The following MARCHF1 variants were observed in gnomAD, a reference collection of about 807,000 sequenced individuals.
The protein encoded by MARCHF1 is E3 ubiquitin-protein ligase MARCHF1.
MARCHF1 carries 40 observed loss-of-function variants against 54.2 expected under a neutral mutation model. That is an observed-to-expected ratio of 0.74 (90% CI 0.57 to 0.96). MARCHF1 has a LOEUF of 0.96. Among genes scored for constraint, MARCHF1 ranks in the 40% least tolerant of loss-of-function variants. The pLI is 0.00. For synonymous variants in MARCHF1, 236 were observed against 236.3 expected (o/e 1.00, Z 0.01); for missense variants, 586 against 656.5 (o/e 0.89, Z 1.17).
intron 4 of MARCHF1, among the ~76,000 whole-genome samples, chr4:163,801,642 C>T (rs999477745): frequency 6.6e-6 from 1 of 151,992 alleles, no homozygotes; most frequent in Admixed American, 6.6e-5. Flanking sequence ...AAATATGCAC[C>T]ATCTTCCCCA....
chr4:164,242,398 C>T (rs974322988), intron 1 of MARCHF1, among the ~76,000 whole-genome samples: 5 of 145,792 alleles, frequency 3.4e-5, no homozygotes, highest in African/African-American at 1.3e-4. Flanking sequence ...GGTATTCCAA[C>T]AGACCTGCAG....
At chr4:163,991,403 T>C (rs1409040671) in intron 2 of MARCHF1, among the ~76,000 whole-genome samples, 2 of 152,190 alleles carry the variant, frequency 1.3e-5, no homozygotes, top group African/African-American at 2.4e-5. Flanking sequence ...TATCAATGTC[T>C]TGCACTTACC....
At chr4:163,960,223 C>T (rs1387735075) in intron 3 of MARCHF1, among the ~76,000 whole-genome samples, 1 of 151,992 alleles carries the variant, frequency 6.6e-6, no homozygotes, top group Non-Finnish European at 1.5e-5. Flanking sequence ...TAAATTATTT[C>T]AACCGTTGTG....
chr4:163,875,537 C>T lies in MARCHF1; in HGVS notation c.-38-21368G>A, dbSNP rs150716194. 4.1e-3 allele frequency among the ~76,000 whole-genome samples: 621 copies of T among 152,216 alleles called. 6 individuals are homozygous for T. The highest frequency in any genetic ancestry group is 0.013 in the African/African-American group (528 of 41,546). On this transcript the variant is annotated intron_variant, in intron 3 of 9. Coordinates refer to ENST00000514618, the MANE Select transcript of MARCHF1 (RefSeq NM_001394959.1). ...AACAACTCACAAATTCCACAACTTG[C>T]CCTATCTTGCTCGGTGACAGAATGG... is the stretch of plus-strand genomic sequence containing the variant.
Position 164,143,449 on chromosome 4 carries a change from G to A in MARCHF1, c.-322-31787C>T, listed in dbSNP as rs571682646. ...AAGGTCGGGTTACCCTCAAAGGGAA[G>A]CCCATCAGACTAACAGCAGATCTCT... On this transcript the variant is annotated intron_variant, in intron 1 of 9. Coordinates refer to ENST00000514618, the MANE Select transcript of MARCHF1 (RefSeq NM_001394959.1). Among the ~76,000 whole-genome samples the A allele has an allele frequency of 6.0e-5, 9 of 150,850 alleles. No individual in the cohort carries two copies. The East Asian group carries it at 7.8e-4, about 13-fold the overall frequency.
intron 4 of MARCHF1, among the ~76,000 whole-genome samples, chr4:163,765,216 TTAA>T (rs1334863108): frequency 6.6e-6 from 1 of 152,090 alleles, no homozygotes; most frequent in Non-Finnish European, 1.5e-5. Flanking sequence ...AGAGAAAATG[TTAA>T]TAATGAAGAT....
At chr4:164,189,120 T>C (rs557895390) in intron 1 of MARCHF1, 41 of 652,060 alleles carry the variant, frequency 6.3e-5, no homozygotes, top group African/African-American at 6.3e-4. Flanking sequence ...TGGCCACTAA[T>C]GGAGATACTC....
intron 1 of MARCHF1, among the ~76,000 whole-genome samples, chr4:164,125,136 C>T (rs921510488): frequency 6.6e-6 from 1 of 151,988 alleles, no homozygotes; most frequent in East Asian, 1.9e-4. Flanking sequence ...CTTAAAACAT[C>T]ATTACAAAGG....
chr4:164,136,039 TAC>T (rs1265702943), intron 1 of MARCHF1, among the ~76,000 whole-genome samples: 1 of 152,068 alleles, frequency 6.6e-6, no homozygotes, highest in East Asian at 1.9e-4. Context: ...AGAGAAAAGA[TAC>T]AGTTATACAC....
intron 4 of MARCHF1, among the ~76,000 whole-genome samples, chr4:163,786,323 G>A (rs1747618324): frequency 6.6e-6 from 1 of 151,814 alleles, no homozygotes; most frequent in African/African-American, 2.4e-5. Context: ...CATTTCAATT[G>A]GATTTGGCAT....
intron 8 of MARCHF1, among the ~76,000 whole-genome samples, chr4:163,575,852 T>G (rs1329955745): frequency 6.6e-6 from 1 of 152,088 alleles, no homozygotes; most frequent in Non-Finnish European, 1.5e-5. Context: ...CATAATAGTC[T>G]TTGGACATCT....
At chr4:163,531,092 T>C (rs768514659) in intron 9 of MARCHF1, among the ~76,000 whole-genome samples, 1 of 151,876 alleles carries the variant, frequency 6.6e-6, no homozygotes, top group Non-Finnish European at 1.5e-5. Flanking sequence ...TCTACAGTCT[T>C]TTCCAGAAAA....
intron 4 of MARCHF1, among the ~76,000 whole-genome samples, chr4:163,711,157 TCTTA>T (rs1579216203): frequency 6.6e-6 from 1 of 152,070 alleles, no homozygotes; most frequent in Non-Finnish European, 1.5e-5. Context: ...ACAGTAGTCT[TCTTA>T]CTTAAGTTCA....
At chr4:163,832,699 A>G (rs953936129) in intron 4 of MARCHF1, among the ~76,000 whole-genome samples, 24 of 150,396 alleles carry the variant, frequency 1.6e-4, no homozygotes, top group African/African-American at 5.9e-4. Flanking sequence ...TTAACTCGTC[A>G]TTTAGCATTA....
chr4:164,054,622 TTTG>T (rs1281726294), intron 2 of MARCHF1, among the ~76,000 whole-genome samples: 3 of 151,994 alleles, frequency 2.0e-5, no homozygotes, highest in Admixed American at 6.6e-5. Flanking sequence ...GTTCATGTCC[TTTG>T]TAGGGACATG....
At chr4:163,630,865 G>A (rs950089275) in intron 5 of MARCHF1, among the ~76,000 whole-genome samples, 1 of 151,992 alleles carries the variant, frequency 6.6e-6, no homozygotes, top group Non-Finnish European at 1.5e-5. Context: ...GAAAAAAGCT[G>A]AGAGAATGCC....
chr4:164,273,127 C>T (rs964454087), intron 1 of MARCHF1, among the ~76,000 whole-genome samples: 1 of 151,416 alleles, frequency 6.6e-6, no homozygotes, highest in Admixed American at 6.6e-5. Flanking sequence ...TAAAGAACTG[C>T]CCAAGACTGG....
Position 163,545,763 on chromosome 4 carries a change from A to C in MARCHF1, c.1192-20T>G, listed in dbSNP as rs1738879521. 9 of 1,609,998 alleles carry C rather than the reference A, an allele frequency of 5.6e-6. No homozygotes were observed. Among genetic ancestry groups the C allele is most frequent in the Non-Finnish European group, 7.6e-6 (9 of 1,178,334 alleles). ...CTCCCACTGCAATCAGAAATGAAGG[A>C]CACAAAACTGAATTGCAAACTAGGA... is the stretch of plus-strand genomic sequence containing the variant. On this transcript the variant is annotated intron_variant, in intron 8 of 9. Transcript: ENST00000514618.
intron 9 of MARCHF1, among the ~76,000 whole-genome samples, chr4:163,533,136 T>C (rs1482527298): frequency 1.3e-5 from 2 of 151,570 alleles, no homozygotes; most frequent in Non-Finnish European, 3.0e-5. Context: ...GAATAAACTG[T>C]GATACATCCA....
Sources: allele counts gnomAD v4.1 joint callset (sites outside exome capture counted in the v4.1 genomes callset), GRCh38; gene constraint gnomAD v4.1.1; transcripts MANE v1.5; gene names NCBI Gene and HGNC (gene_info 2026-07-23, HGNC 2026-07-21).